GALNT15: variants seen among roughly 807,000 people sequenced by gnomAD.
The protein encoded by GALNT15 is UDP-GalNAc transferase T15.
In GALNT15, 67 loss-of-function variants were observed where a neutral mutation model predicts 66.8. That is an observed-to-expected ratio of 1.00 (90% confidence interval 0.82 to 1.23). GALNT15 has a LOEUF of 1.23. GALNT15 is among the 50% of genes most tolerant of loss of function. GALNT15 has a pLI of 0.00. For missense variants in GALNT15, 827 were observed against 804.3 expected (o/e 1.03, Z -0.34); for synonymous variants, 313 against 311.5 (o/e 1.00, Z -0.05).
In GALNT15 at chr3:16,219,594, G is replaced by T. The variant is rs1322872909; in HGVS notation, c.1524+60G>T. On this transcript the variant is annotated intron_variant, in intron 7 of 9. Transcript: ENST00000339732. The surrounding 1 kb of genome is among the most constrained non-coding windows in gnomAD (Gnocchi z 4.3). ...GGGAAGCTTCCCAAGACAAGAACTA[G>T]ATGTTCAGCTCTTCCATGTCCCTGG... The T allele has an allele frequency of 1.3e-6, 2 of 1,593,308 alleles. No homozygotes were observed. The highest frequency in any genetic ancestry group is 2.7e-5 in the African/African-American group (2 of 74,426).
chr3:16,203,543 T>TCACACACACACACACA lies in GALNT15; in HGVS notation c.911+2751_911+2766dup, dbSNP rs1164976010. Among the ~76,000 whole-genome samples, 10 of 61,164 alleles carry TCACACACACACACACA rather than the reference T, an allele frequency of 1.6e-4. No homozygotes were observed. The highest frequency in any genetic ancestry group is 5.5e-4 in the African/African-American group (10 of 18,316). The allele number at this position is 61,164 out of a possible 152,430, so 40.1% of individuals were successfully genotyped here. On this transcript the variant is annotated intron_variant, in intron 3 of 9. Transcript: ENST00000339732. This position sits in a 1 kb window ranked among gnomAD's most constrained non-coding sequence, Gnocchi z 6.2. ...CATTCTCTCTCTCTCTCTCTCTCTC[T>TCACACACACACACACA]CACACACACACACACACACACACAC...
At chr3:16,240,823 A>G in the GALNT15 span, among the ~76,000 whole-genome samples, 10 of 152,164 alleles carry the variant, frequency 6.6e-5, no homozygotes, top group South Asian at 1.9e-3. Context: ...CAGAGTAATG[A>G]CCCGCCTCCC....
In GALNT15 at chr3:16,228,581, C is replaced by T. The variant is rs568300125; in HGVS notation, c.*1081C>T. 6 of 864,106 alleles carry T rather than the reference C, an allele frequency of 6.9e-6. No homozygotes were observed. Among genetic ancestry groups the T allele is most frequent in the Non-Finnish European group, 8.3e-6 (6 of 721,306 alleles). 53.5% of individuals were successfully genotyped at this position (864,106 alleles called of 1,614,324 possible). On this transcript the variant is annotated 3_prime_UTR_variant, in exon 10 of 10. Transcript: ENST00000339732. ...GCTTGAACCCAGGAGGCAGAGGTTG[C>T]AGTGAGCTGAGATCATGCCATTGCA...
At chr3:16,185,392 T>C (rs2063506938) in intron 1 of GALNT15, among the ~76,000 whole-genome samples, 1 of 152,254 alleles carries the variant, frequency 6.6e-6, no homozygotes, top group Admixed American at 6.5e-5. Context: ...GCAAGGACTT[T>C]TCTTCCAAAG....
At chr3:16,246,451 G>A in the GALNT15 span, among the ~76,000 whole-genome samples, 1 of 149,298 alleles carries the variant, frequency 6.7e-6, no homozygotes, top group South Asian at 2.1e-4. Context: ...TCAGCCTCCT[G>A]AGTAGCTGGG....
At position 16,203,438 on chromosome 3, in the gene GALNT15, C is replaced by T. The variant is rs1157064025; in HGVS notation, c.911+2615C>T. Among the ~76,000 whole-genome samples the T allele has an allele frequency of 1.3e-5, 2 of 151,772 alleles. No homozygotes were observed. Among genetic ancestry groups the T allele is most frequent in the Non-Finnish European group, 1.5e-5 (1 of 67,982 alleles). On this transcript the variant is annotated intron_variant, in intron 3 of 9. Coordinates refer to ENST00000339732, the MANE Select transcript of GALNT15 (RefSeq NM_054110.5). This position sits in a 1 kb window ranked among gnomAD's most constrained non-coding sequence, Gnocchi z 6.2. Reference sequence around the variant, plus strand: ...CATTCTAGTTTCCTGTGCCCTTCCCCTCTCCTCTTTTCCTCTCCTGTCTGT... The same window carrying T: ...CATTCTAGTTTCCTGTGCCCTTCCCTTCTCCTCTTTTCCTCTCCTGTCTGT...
rs766338026 is a variant in GALNT15 at position 16,188,554 on chromosome 3, C to T, written c.540-7206C>T. 3.3e-5 allele frequency among the ~76,000 whole-genome samples: 5 copies of T among 152,146 alleles called. No individual in the cohort carries two copies. The highest frequency in any genetic ancestry group is 7.4e-5 in the Non-Finnish European group (5 of 68,024). On this transcript the variant is annotated intron_variant, in intron 1 of 9. Coordinates refer to ENST00000339732, the MANE Select transcript of GALNT15 (RefSeq NM_054110.5). This position sits in a 1 kb window ranked among gnomAD's most constrained non-coding sequence, Gnocchi z 4.6. The stretch of plus-strand genomic sequence containing the variant: ...CACCCACAGGGCAAGAGTCACATCT[C>T]CCTGGCTGGTGTTTGAGCTTATGCT...
At chr3:16,232,080 ATCCAAAATTCTCCAAAACTC>A, downstream of GALNT15, 2 of 922,974 alleles carry the variant, frequency 2.2e-6, no homozygotes, top group Non-Finnish European at 3.0e-6. Flanking sequence ...TCATTAGATT[ATCCAAAATTCTCCAAAACTC>A]TCCAAAATTC....
chr3:16,197,084 G>C (rs1202819747), intron 2 of GALNT15, among the ~76,000 whole-genome samples: 1 of 152,198 alleles, frequency 6.6e-6, no homozygotes. Context: ...TGGGTTGGCG[G>C]GTAAAGTGCC....
In GALNT15 at chr3:16,195,905, G is replaced by T. The variant is rs367893487; in HGVS notation, c.685G>T (p.Val229Leu). 2 of 1,614,086 alleles carry T rather than the reference G, an allele frequency of 1.2e-6. No homozygotes were observed. Among genetic ancestry groups the T allele is most frequent in the South Asian group, 2.2e-5 (2 of 91,076 alleles). ...PRAFLKEIIL[V>L]DDLSQQGQLK... ...GGCCTTCCTGAAGGAGATCATCCTC[G>T]TGGACGACCTCAGCCAGCAAGGTAG... The change falls in exon 2 of 10, where the codon GTG becomes TTG. Residue 229 changes from valine to leucine, a missense_variant. Transcript: ENST00000339732. The surrounding 1 kb of genome is among the most constrained non-coding windows in gnomAD (Gnocchi z 4.6).
chr3:16,197,649 G>A (rs55986204), intron 2 of GALNT15, among the ~76,000 whole-genome samples: 8,346 of 152,244 alleles, frequency 0.055, 243 homozygotes, highest in Middle Eastern at 0.072. Flanking sequence ...ATAGTGTAGT[G>A]TGATAGAATC....
Position 16,200,806 on chromosome 3 carries a change from C to A in GALNT15, c.894C>A (p.Ser298Arg). The A allele has an allele frequency of 1.2e-6, 2 of 1,607,884 alleles. No homozygotes were observed. Among genetic ancestry groups the A allele is most frequent in the Non-Finnish European group, 1.7e-6 (2 of 1,177,658 alleles). ...CAGGCTGGCTGGAGCCCCTCCTCAG[C>A]AGAATAGCTGGTGACAGGTAACTTA... Reference protein sequence around the residue: ...CHPGWLEPLLSRIAGDRSRVV... With the variant: ...CHPGWLEPLLRRIAGDRSRVV... The change falls in exon 3 of 10, where the codon AGC becomes AGA. Residue 298 changes from serine to arginine, a missense_variant. Ser to Arg is a moderately radical substitution (Grantham distance 110). Transcript: ENST00000339732. This position sits in a 1 kb window ranked among gnomAD's most constrained non-coding sequence, Gnocchi z 4.4.
At position 16,225,438 on chromosome 3, in the gene GALNT15, T is replaced by C. The variant is rs1482498677; in HGVS notation, c.1774-1916T>C. Reference sequence around the variant, plus strand: ...GAGGCCAGGCTCAATGGCTCACGCCTGTAATCCCAGCACTTCGGGAGGCCG... The same window carrying C: ...GAGGCCAGGCTCAATGGCTCACGCCCGTAATCCCAGCACTTCGGGAGGCCG... On this transcript the variant is annotated intron_variant, in intron 9 of 9. Coordinates refer to ENST00000339732, the MANE Select transcript of GALNT15 (RefSeq NM_054110.5). This position sits in a 1 kb window ranked among gnomAD's most constrained non-coding sequence, Gnocchi z 4.4. Among the ~76,000 whole-genome samples, 1 of 152,272 alleles carries C rather than the reference T, an allele frequency of 6.6e-6. No individual in the cohort carries two copies. The highest frequency in any genetic ancestry group is 2.4e-5 in the African/African-American group (1 of 41,484).
In GALNT15 at chr3:16,229,578, C is replaced by G; in HGVS notation, c.*2078C>G. ...ATTTCCCTAAATCCTGAGACTGAGA[C>G]GGAGCTACAAATTCTCAGATGGCGA... On this transcript the variant is annotated 3_prime_UTR_variant, in exon 10 of 10. Transcript: ENST00000339732. The G allele has an allele frequency of 1.0e-6, 1 of 985,144 alleles. No homozygotes were observed. The highest frequency in any genetic ancestry group is 1.1e-4 in the East Asian group (1 of 8,814). 61.0% of individuals were successfully genotyped at this position (985,144 alleles called of 1,614,324 possible). A position where few individuals can be genotyped will look rare whatever the true frequency, so the allele number is the denominator to read the frequency against.
At chr3:16,222,537 TG>T (rs1291513688) in intron 8 of GALNT15, 77 bp from the exon 9 acceptor site, 1 of 1,560,690 alleles carries the variant, frequency 6.4e-7, no homozygotes, top group East Asian at 2.3e-5. Context: ...AGCTCTATAG[TG>T]GGTTCTTCTT....
At position 16,182,858 on chromosome 3, in the gene GALNT15, G is replaced by A. The variant is rs375755441; in HGVS notation, c.539+7168G>A. ...GGACACCGGAGAGGCACTGAGCTAC[G>A]TCTTGGCTTCTACCACCCCGTCTTT... On this transcript the variant is annotated intron_variant, in intron 1 of 9. Transcript: ENST00000339732. The surrounding 1 kb of genome is among the most constrained non-coding windows in gnomAD (Gnocchi z 6.1). 3 of 152,502 alleles carry A rather than the reference G, an allele frequency of 2.0e-5. No individual in the cohort carries two copies. Among genetic ancestry groups the A allele is most frequent in the Admixed American group, 2.0e-4 (3 of 15,300 alleles). The allele number at this position is 152,502 out of a possible 1,614,324, so 9.4% of individuals were successfully genotyped here.
intron 2 of GALNT15, 132 bp downstream of exon 2, chr3:16,196,058 T>G (rs2063632242): frequency 1.2e-6 from 1 of 852,534 alleles, no homozygotes; most frequent in Non-Finnish European, 1.8e-6. Context: ...AGATGAGGAT[T>G]AATGGGCAAG....
chr3:16,242,543 C>T, the GALNT15 span, among the ~76,000 whole-genome samples: 27 of 151,980 alleles, frequency 1.8e-4, no homozygotes, highest in African/African-American at 5.1e-4. This position sits in a 1 kb window ranked among gnomAD's most constrained non-coding sequence, Gnocchi z 5.6. Context: ...AAATCTCTTG[C>T]GCCCAGGAAT....
Position 16,227,784 on chromosome 3 carries a change from A to C in GALNT15, c.*284A>C. The stretch of plus-strand genomic sequence containing the variant: ...TACAGAAGATTCTTTGTTTTTCTCC[A>C]CTGAGCACTTAACAATTGCTTTCTC... On this transcript the variant is annotated 3_prime_UTR_variant, in exon 10 of 10. Coordinates refer to ENST00000339732, the MANE Select transcript of GALNT15 (RefSeq NM_054110.5). The surrounding 1 kb of genome is among the most constrained non-coding windows in gnomAD (Gnocchi z 4.5). 1 of 1,177,872 alleles carries C rather than the reference A, an allele frequency of 8.5e-7. No individual in the cohort carries two copies. The highest frequency in any genetic ancestry group is 1.1e-6 in the Non-Finnish European group (1 of 951,816). The allele number at this position is 1,177,872 out of a possible 1,614,324, so 73.0% of individuals were successfully genotyped here.
Sources: allele counts gnomAD v4.1 joint callset (sites outside exome capture counted in the v4.1 genomes callset), GRCh38; gene constraint gnomAD v4.1.1; non-coding constraint Gnocchi (gnomAD v3.1); transcripts MANE v1.5; gene names NCBI Gene and HGNC (gene_info 2026-07-23, HGNC 2026-07-21).